The following AGAP1 variants were observed in gnomAD, a reference collection of about 807,000 sequenced individuals.
AGAP1 encodes the protein ArfGAP with GTPase domain, ankyrin repeat and PH domain 1, also known as arf-GAP with GTPase, ANK repeat and PH domain-containing protein 1.
AGAP1 carries 29 observed loss-of-function variants against 105.3 expected under a neutral mutation model. The ratio of observed to expected loss-of-function variants is 0.28; its 90% CI spans 0.21 to 0.38. The LOEUF is 0.38. Ranked by LOEUF, AGAP1 falls within the 10% of genes least tolerant of loss-of-function variation. AGAP1 has a pLI of 1.00. For synonymous variants in AGAP1, 509 were observed against 485.9 expected, an observed-to-expected ratio of 1.05 and a Z score of -0.63; for missense variants, 998 against 1,165.1, an observed-to-expected ratio of 0.86 and a Z score of 2.09.
chr2:236,010,760 AT>A (rs1397298842), intron 13 of AGAP1, among the ~76,000 whole-genome samples: 21 of 152,230 alleles, frequency 1.4e-4, no homozygotes, highest in African/African-American at 5.1e-4. Context: ...AATTAATACC[AT>A]TGTTATATTA....
Position 236,123,005 on chromosome 2 carries a change from G to A in AGAP1, c.2371-914G>A, listed in dbSNP as rs1016812305. ...GCTCCAGTGACAATTTTTACAAAGT[G>A]TGCACAGTTGAGGGGAGAGTTCTGA... On this transcript the variant is annotated intron_variant, in intron 17 of 17. Transcript: ENST00000304032. The surrounding 1 kb of genome is among the most constrained non-coding windows in gnomAD (Gnocchi z 4.6). 1.3e-5 allele frequency among the ~76,000 whole-genome samples: 2 copies of A among 152,088 alleles called. No individual in the cohort carries two copies. Among genetic ancestry groups the A allele is most frequent in the African/African-American group, 4.8e-5 (2 of 41,408 alleles).
intron 1 of AGAP1, among the ~76,000 whole-genome samples, chr2:235,521,813 GTCTA>G (rs1222975726): frequency 2.6e-5 from 4 of 151,218 alleles, no homozygotes; most frequent in African/African-American, 7.3e-5. Context: ...TATAGTCTAC[GTCTA>G]TCTTTTTCTT....
In AGAP1 at chr2:235,741,641, A is replaced by G. The variant is rs1328930626; in HGVS notation, c.396+593A>G. Reference sequence around the variant, plus strand: ...TGTGGAAGATCTCTTTTTTTGGTTTATTTAACCTGCTTTGTTTTACTTACA... The same window carrying G: ...TGTGGAAGATCTCTTTTTTTGGTTTGTTTAACCTGCTTTGTTTTACTTACA... On this transcript the variant is annotated intron_variant, in intron 4 of 17. Transcript: ENST00000304032. The surrounding 1 kb of genome is among the most constrained non-coding windows in gnomAD (Gnocchi z 4.9). Among the ~76,000 whole-genome samples, 1 of 152,152 alleles carries G rather than the reference A, an allele frequency of 6.6e-6. No individual in the cohort carries two copies. Among genetic ancestry groups the G allele is most frequent in the African/African-American group, 2.4e-5 (1 of 41,438 alleles).
chr2:235,990,805 A>G (rs1189677614), intron 13 of AGAP1, among the ~76,000 whole-genome samples: 2 of 152,204 alleles, frequency 1.3e-5, no homozygotes, highest in African/African-American at 2.4e-5. Context: ...GACCATGGCC[A>G]TTTTTGGAAA....
intron 1 of AGAP1, among the ~76,000 whole-genome samples, chr2:235,573,002 TC>T (rs1944590466): frequency 8.4e-5 from 2 of 23,818 alleles, no homozygotes; most frequent in Admixed American, 5.4e-4. Context: ...TTCTTCTTCT[TC>T]TTCTTCTTCT....
rs997348576 is a variant in AGAP1 at position 235,788,334 on chromosome 2, A to G, written c.674-9425A>G. On this transcript the variant is annotated intron_variant, in intron 6 of 17. Transcript: ENST00000304032. The surrounding 1 kb of genome is among the most constrained non-coding windows in gnomAD (Gnocchi z 6.0). ...AGACCTAGAAGATTTGAGGATTTTAATTCAGGAAAGTCCACCAAAAGGATA... is the reference window on the plus strand; with the variant it reads ...AGACCTAGAAGATTTGAGGATTTTAGTTCAGGAAAGTCCACCAAAAGGATA... 1.3e-5 allele frequency among the ~76,000 whole-genome samples: 2 copies of G among 152,194 alleles called. No homozygotes were observed. Among genetic ancestry groups the G allele is most frequent in the Non-Finnish European group, 2.9e-5 (2 of 68,030 alleles).
chr2:236,068,339 G>A lies in AGAP1; in HGVS notation c.2114+19058G>A, dbSNP rs112411785. On this transcript the variant is annotated intron_variant, in intron 16 of 17. Coordinates refer to ENST00000304032, the MANE Select transcript of AGAP1 (RefSeq NM_001037131.3). ...CATCTGATGGTAAAAAACAAAGGTCGTTTTGTTCCATAATATAATAACCCT... is the reference window on the plus strand; with the variant it reads ...CATCTGATGGTAAAAAACAAAGGTCATTTTGTTCCATAATATAATAACCCT... 1.5e-4 allele frequency among the ~76,000 whole-genome samples: 23 copies of A among 152,080 alleles called. 1 individual carries two copies. The highest frequency in any genetic ancestry group is 3.4e-4 in the African/African-American group (14 of 41,428).
intron 11 of AGAP1, among the ~76,000 whole-genome samples, chr2:235,914,229 A>G (rs556759006): frequency 6.6e-6 from 1 of 152,336 alleles, no homozygotes; most frequent in Non-Finnish European, 1.5e-5. Context: ...AAATACTATA[A>G]TGCCTAACTG....
At chr2:235,955,833 C>T (rs918103433) in intron 12 of AGAP1, among the ~76,000 whole-genome samples, 3 of 152,218 alleles carry the variant, frequency 2.0e-5, no homozygotes, top group East Asian at 1.9e-4. Flanking sequence ...GTACCTTGAG[C>T]GGAGTGAAGT....
chr2:236,065,544 C>G (rs1023896430), intron 16 of AGAP1, among the ~76,000 whole-genome samples: 1 of 152,208 alleles, frequency 6.6e-6, no homozygotes, highest in Non-Finnish European at 1.5e-5. Flanking sequence ...GTTCGGCCAG[C>G]CTGTGGACAG....
chr2:236,070,908 T>C (rs36116433), intron 16 of AGAP1, among the ~76,000 whole-genome samples: 62,788 of 152,100 alleles, frequency 0.41, 15,766 homozygotes, highest in Non-Finnish European at 0.56. Context: ...AACCATTGAA[T>C]GGTGCATTTG....
rs749977349 is a variant in AGAP1, at chr2:236,113,523, A to G, written c.2115-6669A>G. On this transcript the variant is annotated intron_variant, in intron 16 of 17. Transcript: ENST00000304032. This position sits in a 1 kb window ranked among gnomAD's most constrained non-coding sequence, Gnocchi z 4.3. ...GTCAGTTACTGTCATCCTTAAGCCCACACTAAGTGCTCCGGTTACATGGAG... is the reference window on the plus strand; with the variant it reads ...GTCAGTTACTGTCATCCTTAAGCCCGCACTAAGTGCTCCGGTTACATGGAG... 2.8e-4 allele frequency among the ~76,000 whole-genome samples: 43 copies of G among 152,338 alleles called. No individual in the cohort carries two copies. The highest frequency in any genetic ancestry group is 7.8e-4 in the Admixed American group (12 of 15,298).
chr2:235,687,524 AT>A (rs912742768), intron 1 of AGAP1, among the ~76,000 whole-genome samples: 1 of 152,220 alleles, frequency 6.6e-6, no homozygotes, highest in African/African-American at 2.4e-5. Flanking sequence ...TTTAAAATTC[AT>A]TTTAGGTGAG....
At position 235,557,800 on chromosome 2, in the gene AGAP1, G is replaced by A. The variant is rs562636714; in HGVS notation, c.163+62951G>A. Among the ~76,000 whole-genome samples the A allele has an allele frequency of 2.6e-5, 4 of 152,254 alleles. No homozygotes were observed. The highest frequency in any genetic ancestry group is 9.6e-5 in the African/African-American group (4 of 41,544). Reference sequence around the variant, plus strand: ...TGGGGTTGTGCCTTATGAAAACAACGGACTTGGCTACATTTCGACAAGGGG... The same window carrying A: ...TGGGGTTGTGCCTTATGAAAACAACAGACTTGGCTACATTTCGACAAGGGG... On this transcript the variant is annotated intron_variant, in intron 1 of 17. Coordinates refer to ENST00000304032, the MANE Select transcript of AGAP1 (RefSeq NM_001037131.3). The surrounding 1 kb of genome is among the most constrained non-coding windows in gnomAD (Gnocchi z 4.7).
At chr2:235,785,040 G>T (rs1317765816) in intron 6 of AGAP1, among the ~76,000 whole-genome samples, 1 of 152,150 alleles carries the variant, frequency 6.6e-6, no homozygotes, top group African/African-American at 2.4e-5. Context: ...CCGTGCACAG[G>T]GCCACCGCTG....
chr2:235,638,801 A>G (rs1947096222), intron 1 of AGAP1, among the ~76,000 whole-genome samples: 1 of 152,180 alleles, frequency 6.6e-6, no homozygotes, highest in Non-Finnish European at 1.5e-5. Context: ...ACCCAGGCGG[A>G]GGGCTGGCGT....
At chr2:235,841,369 G>A (rs1184257649) in intron 9 of AGAP1, among the ~76,000 whole-genome samples, 5 of 152,244 alleles carry the variant, frequency 3.3e-5, no homozygotes, top group Admixed American at 3.3e-4. Context: ...GGTGGCTCAC[G>A]ACTAATCCCC....
intron 1 of AGAP1, among the ~76,000 whole-genome samples, chr2:235,504,675 C>T (rs925251280): frequency 1.3e-5 from 2 of 152,124 alleles, no homozygotes; most frequent in Non-Finnish European, 2.9e-5. Flanking sequence ...CGTAGCTGCT[C>T]GTGAAGCCGC....
chr2:235,802,974 GTGGTTGTGA>G (rs1187703552), intron 8 of AGAP1, among the ~76,000 whole-genome samples: 1 of 27,578 alleles, frequency 3.6e-5, no homozygotes, highest in South Asian at 1.6e-3. Context: ...GATGATGGTT[GTGGTTGTGA>G]TGGTTGTGAT....
Sources: gnomAD v4.1 joint callset for allele counts (sites outside exome capture counted in the v4.1 genomes callset) on GRCh38, gnomAD v4.1.1 for gene constraint, Gnocchi (gnomAD v3.1) non-coding constraint, MANE v1.5 for transcripts, NCBI Gene and HGNC (gene_info 2026-07-23, HGNC 2026-07-21) for gene names.